CSMD1: variants seen among roughly 807,000 people sequenced by gnomAD.
CSMD1 encodes the protein CUB and sushi domain-containing protein 1.
A neutral mutation model predicts 417.5 loss-of-function variants in CSMD1; 213 were observed. The ratio of observed to expected loss-of-function variants is 0.51; its 90% confidence interval spans 0.46 to 0.57. The LOEUF (loss-of-function observed/expected upper bound fraction) is 0.57, where lower values mean the gene tolerates loss of function less well. CSMD1 is among the 20% of genes least tolerant of loss of function. The pLI, the probability that CSMD1 is intolerant of heterozygous loss-of-function variation, is 0.00. For synonymous variants in CSMD1, 2,862 were observed against 1,736.8 expected (o/e 1.65, Z -16.11); for missense variants, 6,923 against 4,529.7 (o/e 1.53, Z -15.17).
At chr8:4,822,877 G>A (rs9644376) in intron 1 of CSMD1, among the ~76,000 whole-genome samples, 50 of 152,172 alleles carry the variant, frequency 3.3e-4, no homozygotes, top group African/African-American at 1.2e-3. Context: ...TTCATAATAT[G>A]TTATGTTAAT....
At chr8:4,955,681 C>A (rs1809053213) in intron 1 of CSMD1, among the ~76,000 whole-genome samples, 1 of 152,268 alleles carries the variant, frequency 6.6e-6, no homozygotes, top group South Asian at 2.1e-4. Flanking sequence ...GTCTCGAACT[C>A]CTGACCTCAG....
intron 5 of CSMD1, among the ~76,000 whole-genome samples, chr8:3,779,701 C>G (rs963983150): frequency 6.6e-6 from 1 of 152,154 alleles, no homozygotes; most frequent in African/African-American, 2.4e-5. Flanking sequence ...ACAACACTAT[C>G]TAGCGCATAT....
At chr8:3,370,819 A>G (rs144613287) in intron 18 of CSMD1, among the ~76,000 whole-genome samples, 1 of 152,278 alleles carries the variant, frequency 6.6e-6, no homozygotes, top group East Asian at 1.9e-4. Flanking sequence ...TATCAAAAAT[A>G]TAAATTATTA....
intron 26 of CSMD1, among the ~76,000 whole-genome samples, chr8:3,266,102 A>C (rs1410749304): frequency 6.6e-6 from 1 of 151,578 alleles, no homozygotes; most frequent in East Asian, 2.0e-4. Flanking sequence ...GGAAAAATTA[A>C]TTTGCAAAGA....
chr8:3,214,447 C>A, intron 30 of CSMD1, 50 bp downstream of exon 30: 1 of 1,414,972 alleles, frequency 7.1e-7, no homozygotes. Context: ...TGAGATGCTG[C>A]ATTTTAAAGG....
chr8:3,091,713 A>G, intron 47 of CSMD1, 51 bp from the exon 48 acceptor site: 1 of 1,541,332 alleles, frequency 6.5e-7, no homozygotes, highest in Non-Finnish European at 8.8e-7. Context: ...AGCACCTACC[A>G]AATGCATACT....
At chr8:3,847,191 T>C (rs7824973) in intron 5 of CSMD1, among the ~76,000 whole-genome samples, 49,595 of 151,856 alleles carry the variant, frequency 0.33, 8,550 homozygotes, top group African/African-American at 0.42. Flanking sequence ...GGTGGCGCGG[T>C]GTCACTCTTA....
intron 2 of CSMD1, among the ~76,000 whole-genome samples, chr8:4,517,626 C>A (rs556894603): frequency 6.6e-6 from 1 of 152,164 alleles, no homozygotes; most frequent in Non-Finnish European, 1.5e-5. Flanking sequence ...AGCCTTTAAA[C>A]ACCTAAGAGC....
intron 2 of CSMD1, among the ~76,000 whole-genome samples, chr8:4,553,310 G>T (rs1215831544): frequency 6.6e-6 from 1 of 152,028 alleles, no homozygotes; most frequent in East Asian, 1.9e-4. Context: ...ATCAGCTCTG[G>T]GTAAAAGTGC....
chr8:3,570,879 T>C (rs561157070), intron 10 of CSMD1, among the ~76,000 whole-genome samples: 16 of 152,360 alleles, frequency 1.1e-4, no homozygotes, highest in African/African-American at 3.6e-4. Context: ...GTTTAAACAA[T>C]AGGAACTCTA....
At chr8:4,348,724 T>G (rs1411181889) in intron 3 of CSMD1, among the ~76,000 whole-genome samples, 1 of 152,106 alleles carries the variant, frequency 6.6e-6, no homozygotes, top group African/African-American at 2.4e-5. Flanking sequence ...GAATTTGATC[T>G]TCGTCTTTAG....
chr8:4,555,839 A>G (rs1777174260), intron 2 of CSMD1, among the ~76,000 whole-genome samples: 1 of 152,208 alleles, frequency 6.6e-6, no homozygotes, highest in South Asian at 2.1e-4. Context: ...CCAGAGTTAT[A>G]AAATACGAAA....
rs116947431 is a variant in CSMD1, at chr8:4,654,114, G to A, written c.86-16556C>T. Among the ~76,000 whole-genome samples the A allele has an allele frequency of 6.0e-4, 92 of 152,216 alleles. 3 individuals carry two copies. The East Asian group carries it at 0.016, about 27-fold the overall frequency. On this transcript the variant is annotated intron_variant, in intron 1 of 69. Coordinates refer to ENST00000635120, the MANE Select transcript of CSMD1 (RefSeq NM_033225.6). ...TTTCCCGGTGCAAACCAGGGCCGAT[G>A]TTACACTCCATGTATTTGCTGCAAT...
chr8:3,895,634 T>A (rs1215102297), intron 5 of CSMD1, among the ~76,000 whole-genome samples: 1 of 152,210 alleles, frequency 6.6e-6, no homozygotes, highest in Non-Finnish European at 1.5e-5. Flanking sequence ...AAGGGAAGAA[T>A]CCTATCCTAA....
At chr8:4,341,435 A>T (rs1004951672) in intron 3 of CSMD1, among the ~76,000 whole-genome samples, 3 of 152,142 alleles carry the variant, frequency 2.0e-5, no homozygotes, top group Non-Finnish European at 4.4e-5. Context: ...TTTGAAGATA[A>T]GTTTACCTCA....
At chr8:3,040,557 C>A (rs111951800) in intron 50 of CSMD1, among the ~76,000 whole-genome samples, 3,527 of 151,798 alleles carry the variant, frequency 0.023, 152 homozygotes, top group African/African-American at 0.08. Context: ...GTAATCCCAG[C>A]ACTTTGGGAG....
In CSMD1 at chr8:4,638,281, A is replaced by C. The variant is rs1161926115; in HGVS notation, c.86-723T>G. 3.3e-5 allele frequency among the ~76,000 whole-genome samples: 5 copies of C among 152,298 alleles called. No homozygotes were observed. The East Asian group carries it at 7.8e-4, about 24-fold the overall frequency. On this transcript the variant is annotated intron_variant, in intron 1 of 69. Coordinates refer to ENST00000635120, the MANE Select transcript of CSMD1 (RefSeq NM_033225.6). Reference sequence around the variant, plus strand: ...AAGAATAAACATTATAAAACTATATACATACACACCTAGCCACATAACTGC... The same window carrying C: ...AAGAATAAACATTATAAAACTATATCCATACACACCTAGCCACATAACTGC...
intron 36 of CSMD1, among the ~76,000 whole-genome samples, chr8:3,186,861 G>C (rs1467678741): frequency 6.6e-6 from 1 of 152,196 alleles, no homozygotes; most frequent in Non-Finnish European, 1.5e-5. Flanking sequence ...GTAAAACAGA[G>C]ATAGCAATAA....
At position 2,935,554 on chromosome 8, in the gene CSMD1, T is replaced by C. The variant is rs986427937; in HGVS notation, c.*3031A>G. ...GCTAGAGATGGTACATTTTACATTA[T>C]TGGGAAAATTACAGTTCTGTATTGT... On this transcript the variant is annotated 3_prime_UTR_variant, in exon 70 of 70. Coordinates refer to ENST00000635120, the MANE Select transcript of CSMD1 (RefSeq NM_033225.6). 2 of 152,210 alleles carry C rather than the reference T, an allele frequency of 1.3e-5. No individual in the cohort carries two copies. The highest frequency in any genetic ancestry group is 1.9e-4 in the East Asian group (1 of 5,196). The allele number at this position is 152,210 out of a possible 1,614,324, so 9.4% of individuals were successfully genotyped here. A position where few individuals can be genotyped will look rare whatever the true frequency, so the allele number is the denominator to read the frequency against.
Sources: allele counts gnomAD v4.1 joint callset (sites outside exome capture counted in the v4.1 genomes callset), GRCh38; gene constraint gnomAD v4.1.1; transcripts MANE v1.5; gene names NCBI Gene and HGNC (gene_info 2026-07-23, HGNC 2026-07-21).